The following ERBIN variants were observed in gnomAD, a reference collection of about 807,000 sequenced individuals.
ERBIN encodes densin-180-like protein.
In ERBIN, 60 loss-of-function variants were observed where a neutral mutation model predicts 158.4. The ratio of observed to expected loss-of-function variants is 0.38; its 90% CI spans 0.31 to 0.47. The LOEUF (loss-of-function observed/expected upper bound fraction) is 0.47. Ranked by LOEUF, ERBIN falls within the 20% of genes least tolerant of loss-of-function variation. ERBIN has a pLI of 0.99. For missense variants in ERBIN, 1,610 were observed against 1,648.0 expected (o/e 0.98, Z 0.40); for synonymous variants, 594 against 557.2 (o/e 1.07, Z -0.93).
chr5:65,994,404 T>C (rs56176924), intron 3 of ERBIN, among the ~76,000 whole-genome samples: 6,104 of 152,276 alleles, frequency 0.04, 414 homozygotes, highest in African/African-American at 0.14. Flanking sequence ...TCTTCTTAAA[T>C]AGGGCTTTCA....
rs1554058775 is a variant in ERBIN at position 66,018,487 on chromosome 5, T to TATATATTA, written c.534-2835_534-2834insATATATTA. 9.1e-4 allele frequency among the ~76,000 whole-genome samples: 6 copies of TATATATTA among 6,588 alleles called. 1 individual carries two copies. The highest frequency in any genetic ancestry group is 4.8e-3 in the African/African-American group (6 of 1,262). 4.3% of individuals were successfully genotyped at this position (6,588 alleles called of 152,430 possible). A position where few individuals can be genotyped will look rare whatever the true frequency, so the allele number is the denominator to read the frequency against. On this transcript the variant is annotated intron_variant, in intron 7 of 25. Coordinates refer to ENST00000284037, the MANE Select transcript of ERBIN (RefSeq NM_001253697.2). ...TATAATATATATTATATATTATATA[T>TATATATTA]TATATTATATAATATATATTATATA...
intron 1 of ERBIN, among the ~76,000 whole-genome samples, chr5:65,938,135 A>G (rs1744318366): frequency 6.6e-6 from 1 of 152,070 alleles, no homozygotes; most frequent in Non-Finnish European, 1.5e-5. Context: ...AAGAAACCAT[A>G]TATTTTTGTT....
rs147106541 is a variant in ERBIN at position 66,044,741 on chromosome 5, G to C, written c.1602+431G>C. Among the ~76,000 whole-genome samples, 271 of 151,560 alleles carry C rather than the reference G, an allele frequency of 1.8e-3. 1 individual carries two copies. The highest frequency in any genetic ancestry group is 6.4e-3 in the African/African-American group (263 of 41,270). ...GATCGTACCACTGTGCTCCAGCCTG[G>C]GTGACAGAGTGACACTCTGTCTCAA... is the stretch of plus-strand genomic sequence containing the variant. On this transcript the variant is annotated intron_variant, in intron 17 of 25. Transcript: ENST00000284037.
At chr5:65,929,935 C>T (rs542402584) in intron 1 of ERBIN, among the ~76,000 whole-genome samples, 5 of 152,248 alleles carry the variant, frequency 3.3e-5, no homozygotes, top group South Asian at 4.2e-4. Context: ...CCACTGAGCC[C>T]GGCCTACTGC....
intron 1 of ERBIN, among the ~76,000 whole-genome samples, chr5:65,952,805 C>A (rs182166824): frequency 2.0e-5 from 3 of 152,152 alleles, no homozygotes; most frequent in Non-Finnish European, 4.4e-5. Flanking sequence ...TATCCAAATG[C>A]TTTATTTAGA....
intron 1 of ERBIN, among the ~76,000 whole-genome samples, chr5:65,963,356 C>T (rs1444717388): frequency 6.6e-6 from 1 of 152,148 alleles, no homozygotes; most frequent in South Asian, 2.1e-4. Flanking sequence ...ACTCTGTCAA[C>T]TATATCTAGA....
At chr5:65,941,972 C>T (rs932555728) in intron 1 of ERBIN, among the ~76,000 whole-genome samples, 1 of 152,154 alleles carries the variant, frequency 6.6e-6, no homozygotes, top group Non-Finnish European at 1.5e-5. Flanking sequence ...GATCTCCTGA[C>T]CTCGTGATGC....
At chr5:65,952,374 GCT>G (rs1746611925) in intron 1 of ERBIN, among the ~76,000 whole-genome samples, 1 of 151,780 alleles carries the variant, frequency 6.6e-6, no homozygotes, top group Non-Finnish European at 1.5e-5. Flanking sequence ...AAAGAGATGG[GCT>G]CTCACTATGC....
chr5:65,967,310 A>G (rs1748757014), intron 1 of ERBIN, among the ~76,000 whole-genome samples: 1 of 152,200 alleles, frequency 6.6e-6, no homozygotes, highest in African/African-American at 2.4e-5. Flanking sequence ...GTAGTGTCCT[A>G]GACCTTCACA....
At chr5:66,033,431 TAGA>T (rs771180858) in intron 14 of ERBIN, among the ~76,000 whole-genome samples, 20 of 152,024 alleles carry the variant, frequency 1.3e-4, no homozygotes, top group Non-Finnish European at 2.4e-4. Context: ...GCCATAGAAG[TAGA>T]AGGAGAACTG....
chr5:66,015,617 G>A (rs529231201), intron 7 of ERBIN, among the ~76,000 whole-genome samples: 6 of 152,080 alleles, frequency 3.9e-5, no homozygotes, highest in South Asian at 2.1e-4. Flanking sequence ...TGTTGAAATC[G>A]CATCATCAAG....
At chr5:65,998,880 G>C (rs1406628075) in intron 4 of ERBIN, among the ~76,000 whole-genome samples, 3 of 101,596 alleles carry the variant, frequency 3.0e-5, no homozygotes. Flanking sequence ...GGAAAATAGA[G>C]CAAGACCCTG....
Position 66,001,680 on chromosome 5 carries a change from A to G in ERBIN, c.307+6816A>G, listed in dbSNP as rs556140719. 2.0e-5 allele frequency among the ~76,000 whole-genome samples: 3 copies of G among 152,286 alleles called. No individual in the cohort carries two copies. In the South Asian group the frequency reaches 6.2e-4, roughly 32 times the overall value. On this transcript the variant is annotated intron_variant, in intron 4 of 25. Coordinates refer to ENST00000284037, the MANE Select transcript of ERBIN (RefSeq NM_001253697.2). ...ATTTAATATTTGTATTTATCAAGAA[A>G]TTCAGTTTTTTCTTTTACAGTCTAT...
chr5:66,047,193 AT>A (rs1340061387), intron 18 of ERBIN, among the ~76,000 whole-genome samples: 1 of 152,034 alleles, frequency 6.6e-6, no homozygotes, highest in Admixed American at 6.6e-5. Context: ...AAATTTGCCT[AT>A]TCTTGACATT....
At chr5:65,928,550 A>C (rs184214071) in intron 1 of ERBIN, among the ~76,000 whole-genome samples, 2 of 152,242 alleles carry the variant, frequency 1.3e-5, no homozygotes, top group African/African-American at 4.8e-5. Context: ...TAAATTTTGT[A>C]TAAAAAAAGT....
intron 2 of ERBIN, among the ~76,000 whole-genome samples, chr5:65,991,680 C>T (rs980291306): frequency 3.3e-5 from 5 of 152,038 alleles, no homozygotes; most frequent in African/African-American, 4.8e-5. Flanking sequence ...ATAATCTTAG[C>T]CTAGTTAGAA....
intron 4 of ERBIN, among the ~76,000 whole-genome samples, chr5:66,002,750 TA>T (rs1753131951): frequency 6.6e-6 from 1 of 152,246 alleles, no homozygotes; most frequent in Non-Finnish European, 1.5e-5. Context: ...CACATTAAAC[TA>T]AAAGAAGTTA....
At chr5:66,061,687 G>C (rs1174953077) in intron 21 of ERBIN, among the ~76,000 whole-genome samples, 1 of 152,172 alleles carries the variant, frequency 6.6e-6, no homozygotes, top group Non-Finnish European at 1.5e-5. Flanking sequence ...GGTACCGGTT[G>C]TTCCTTTCCA....
At chr5:66,005,868 A>G (rs1753533020) in intron 4 of ERBIN, among the ~76,000 whole-genome samples, 1 of 152,216 alleles carries the variant, frequency 6.6e-6, no homozygotes, top group Non-Finnish European at 1.5e-5. Context: ...AAGGAGAACT[A>G]CAAACCACTA....
Sources: allele counts gnomAD v4.1 joint callset (sites outside exome capture counted in the v4.1 genomes callset), GRCh38; gene constraint gnomAD v4.1.1; transcripts MANE v1.5; gene names NCBI Gene and HGNC (gene_info 2026-07-23, HGNC 2026-07-21).